Variants in DAB2 observed in about 807,000 individuals in gnomAD.
DAB2 encodes the protein disabled homolog 2.
Under a neutral mutation model 71.6 loss-of-function variants are expected in DAB2, and 28 were observed. That is an observed-to-expected ratio of 0.39 (90% CI 0.29 to 0.54). The LOEUF (loss-of-function observed/expected upper bound fraction) is 0.54. DAB2 is among the 20% of genes least tolerant of loss of function. DAB2 has a pLI of 0.68. For missense variants in DAB2, 867 were observed against 928.8 expected, an observed-to-expected ratio of 0.93 and a Z score of 0.86; for synonymous variants, 345 against 339.7, an observed-to-expected ratio of 1.02 and a Z score of -0.17.
Position 39,377,107 on chromosome 5 carries a change from G to A in DAB2, c.1680C>T (p.Pro560=), listed in dbSNP as rs748378075. 41 of 1,614,044 alleles carry A rather than the reference G, an allele frequency of 2.5e-5. No individual in the cohort carries two copies. The highest frequency in any genetic ancestry group is 3.3e-5 in the Non-Finnish European group (39 of 1,180,026). The change falls in exon 12 of 15, where the codon CCC becomes CCT. Residue 560 remains proline (P), a synonymous_variant. Transcript: ENST00000320816. ...CTGGAGGGGGAGTTGAGGCTGCAAA[G>A]GGTGAAGGCTGGTTCCAACCTGAAA... The part of the protein sequence containing the change: ...PAVSGWNQPS[P]FAASTPPPVP...
intron 1 of DAB2, among the ~76,000 whole-genome samples, chr5:39,415,827 C>G (rs1420687624): frequency 6.6e-6 from 1 of 152,136 alleles, no homozygotes; most frequent in African/African-American, 2.4e-5. Context: ...TGAAAGAGTT[C>G]TTGTGCAGAA....
chr5:39,402,234 C>G (rs1035263189), intron 1 of DAB2, among the ~76,000 whole-genome samples: 2 of 152,124 alleles, frequency 1.3e-5, no homozygotes, highest in African/African-American at 4.8e-5. Flanking sequence ...TGGGTGGAGA[C>G]AAAGCCAAAC....
At position 39,382,726 on chromosome 5, in the gene DAB2, G is replaced by C. The variant is rs199577131; in HGVS notation, c.1233C>G (p.Gly411=). Reference sequence around the variant, plus strand: ...CAGAGCTTTCCAAGTCCTGCTTTACGCCATTCTGTATGGACAGTCCTTTGG... The same window carrying C: ...CAGAGCTTTCCAAGTCCTGCTTTACCCCATTCTGTATGGACAGTCCTTTGG... ...SPPKGLSIQN[G]VKQDLESSVQ... is the part of the protein sequence containing the mutation. Residue 411 remains glycine, a synonymous_variant, in exon 10 of 15, where the codon GGC becomes GGG. Transcript: ENST00000320816. 2 of 1,614,166 alleles carry C rather than the reference G, an allele frequency of 1.2e-6. No homozygotes were observed. The highest frequency in any genetic ancestry group is 2.2e-5 in the East Asian group (1 of 44,880).
At position 39,381,628 on chromosome 5, in the gene DAB2, G is replaced by A. The variant is rs371776579; in HGVS notation, c.1342-12C>T. 108 of 1,612,520 alleles carry A rather than the reference G, an allele frequency of 6.7e-5. No homozygotes were observed. The highest frequency in any genetic ancestry group is 9.3e-5 in the African/African-American group (7 of 74,880). On this transcript the variant is annotated splice_polypyrimidine_tract_variant and intron_variant, in intron 10 of 14. Coordinates refer to ENST00000320816, the MANE Select transcript of DAB2 (RefSeq NM_001343.4). The stretch of plus-strand genomic sequence containing the variant: ...TCATTGGCTGAAGACTGACAGGACA[G>A]GGAGGGAGGGAGAAGCCTTAGTTAC...
chr5:39,399,380 C>T (rs984049773), intron 1 of DAB2, among the ~76,000 whole-genome samples: 5 of 152,206 alleles, frequency 3.3e-5, no homozygotes, highest in African/African-American at 4.8e-5. Context: ...TTCTCAGGGA[C>T]TGGCTGTTTC....
intron 1 of DAB2, among the ~76,000 whole-genome samples, chr5:39,419,462 T>C (rs1755925314): frequency 6.6e-6 from 1 of 152,198 alleles, no homozygotes; most frequent in Non-Finnish European, 1.5e-5. Context: ...TAAATAGAGA[T>C]ATCTTTTCTA....
intron 4 of DAB2, among the ~76,000 whole-genome samples, chr5:39,391,665 T>C (rs895303862): frequency 6.6e-6 from 1 of 152,136 alleles, no homozygotes; most frequent in Non-Finnish European, 1.5e-5. Context: ...CTTATGATGT[T>C]ACATTGAGTA....
intron 1 of DAB2, among the ~76,000 whole-genome samples, chr5:39,414,871 TA>T (rs911243251): frequency 6.6e-6 from 1 of 152,128 alleles, no homozygotes; most frequent in Non-Finnish European, 1.5e-5. Flanking sequence ...TATTGTTTAT[TA>T]AACACCTACT....
intron 1 of DAB2, among the ~76,000 whole-genome samples, chr5:39,414,726 G>T (rs1248957048): frequency 6.7e-6 from 1 of 149,698 alleles, no homozygotes; most frequent in Admixed American, 6.7e-5. Flanking sequence ...GGGGGGGGGT[G>T]GTCAGAATTG....
chr5:39,392,329 G>A (rs1755251965), intron 4 of DAB2, 36 bp downstream of exon 4: 2 of 1,504,112 alleles, frequency 1.3e-6, no homozygotes, highest in Non-Finnish European at 9.3e-7. Flanking sequence ...TCAGACTCAG[G>A]TGGTCAGAGA....
intron 1 of DAB2, among the ~76,000 whole-genome samples, chr5:39,423,344 T>C (rs1756031819): frequency 6.6e-6 from 1 of 152,284 alleles, no homozygotes; most frequent in South Asian, 2.1e-4. Flanking sequence ...ACTCAAATAC[T>C]CCCGAATTCT....
At chr5:39,382,516 C>T in intron 10 of DAB2, 102 bp downstream of exon 10, 2 of 1,285,040 alleles carry the variant, frequency 1.6e-6, no homozygotes, top group Non-Finnish European at 2.2e-6. Context: ...TTCACAGCAA[C>T]ACAGGAAACT....
At chr5:39,395,664 T>A (rs1755346000) in intron 1 of DAB2, among the ~76,000 whole-genome samples, 1 of 152,186 alleles carries the variant, frequency 6.6e-6, no homozygotes, top group African/African-American at 2.4e-5. Context: ...GCAATCTATG[T>A]ATGAGTAATG....
Position 39,388,867 on chromosome 5 carries a change from A to G in DAB2, c.571-15T>C. On this transcript the variant is annotated splice_polypyrimidine_tract_variant and intron_variant, in intron 7 of 14. Coordinates refer to ENST00000320816, the MANE Select transcript of DAB2 (RefSeq NM_001343.4). The stretch of plus-strand genomic sequence containing the variant: ...TCACTCCCATTCTGAAAAGATAGCA[A>G]ATATTTAAGGATTTAGTTGAGCTTT... The G allele has an allele frequency of 6.2e-7, 1 of 1,606,306 alleles. No individual in the cohort carries two copies. Among genetic ancestry groups the G allele is most frequent in the South Asian group, 1.1e-5 (1 of 90,860 alleles).
intron 4 of DAB2, among the ~76,000 whole-genome samples, chr5:39,392,045 G>A (rs78092616): frequency 0.026 from 3,841 of 145,560 alleles, 77 homozygotes; most frequent in South Asian, 0.087. Context: ...ATGTATATTT[G>A]TATATTATAT....
intron 8 of DAB2, 44 bp downstream of exon 8, chr5:39,388,755 T>G: frequency 2.0e-6 from 3 of 1,511,634 alleles, no homozygotes; most frequent in Non-Finnish European, 2.8e-6. Context: ...AGAACCCATG[T>G]TCAGATAAGT....
chr5:39,400,449 G>T (rs768459238), intron 1 of DAB2, among the ~76,000 whole-genome samples: 3 of 152,038 alleles, frequency 2.0e-5, no homozygotes, highest in Non-Finnish European at 2.9e-5. Flanking sequence ...GGCCAGGCTG[G>T]TCTCGAGCTC....
intron 10 of DAB2, among the ~76,000 whole-genome samples, chr5:39,382,015 A>G (rs1189045367): frequency 6.6e-6 from 1 of 152,256 alleles, no homozygotes; most frequent in Non-Finnish European, 1.5e-5. Flanking sequence ...CATAGAGATC[A>G]TAGGGTCTTA....
At chr5:39,403,759 T>C (rs1459000301) in intron 1 of DAB2, among the ~76,000 whole-genome samples, 1 of 151,510 alleles carries the variant, frequency 6.6e-6, no homozygotes, top group Non-Finnish European at 1.5e-5. Context: ...TCTAAGCTCT[T>C]GAATTGGCAA....
Sources: allele counts gnomAD v4.1 joint callset (sites outside exome capture counted in the v4.1 genomes callset), GRCh38; gene constraint gnomAD v4.1.1; transcripts MANE v1.5; gene names NCBI Gene and HGNC (gene_info 2026-07-23, HGNC 2026-07-21).